The following GDA variants were observed in gnomAD, a reference collection of about 807,000 sequenced individuals.
GDA encodes the protein cytoplasmic PSD-95 interactor.
A neutral mutation model predicts 59.6 loss-of-function variants in GDA; 18 were observed. The observed-to-expected ratio is 0.30, with a 90% CI of 0.21 to 0.45. GDA has a LOEUF of 0.45. Ranked by LOEUF, GDA falls within the 20% of genes least tolerant of loss-of-function variation. The pLI is 1.00. For synonymous variants in GDA, 201 were observed against 201.1 expected, an observed-to-expected ratio of 1.00 and a Z score of 0.00; for missense variants, 427 against 552.3, an observed-to-expected ratio of 0.77 and a Z score of 2.27.
intron 2 of GDA, among the ~76,000 whole-genome samples, chr9:72,196,108 T>A (rs11143162): frequency 0.27 from 41,611 of 151,846 alleles, 6,057 homozygotes; most frequent in East Asian, 0.56. Context: ...TTATATTTCA[T>A]CTACTTTTAG....
At chr9:72,126,566 CTTTT>C (rs72370881) in intron 1 of GDA, among the ~76,000 whole-genome samples, 60 of 133,620 alleles carry the variant, frequency 4.5e-4, no homozygotes, top group Non-Finnish European at 5.4e-4. Flanking sequence ...CCTGGTTAGT[CTTTT>C]TTTTTTTTTT....
At chr9:72,135,782 C>T (rs1015012067) in intron 1 of GDA, among the ~76,000 whole-genome samples, 3 of 151,888 alleles carry the variant, frequency 2.0e-5, no homozygotes, top group African/African-American at 4.8e-5. Flanking sequence ...AGCTAATTTT[C>T]GTGTCTTCAG....
intron 7 of GDA, among the ~76,000 whole-genome samples, chr9:72,224,740 T>TATATA (rs1837335206): frequency 6.6e-6 from 1 of 152,084 alleles, no homozygotes; most frequent in African/African-American, 2.4e-5. Flanking sequence ...ATTGGGTTTC[T>TATATA]GTGAATTTTT....
At chr9:72,115,136 T>C (rs1587280456) in intron 1 of GDA, among the ~76,000 whole-genome samples, 1 of 152,076 alleles carries the variant, frequency 6.6e-6, no homozygotes, top group Non-Finnish European at 1.5e-5. Flanking sequence ...GGGCAGGCTG[T>C]GGAAAAAACA....
At chr9:72,259,672 T>C (rs1004743302), downstream of GDA, among the ~76,000 whole-genome samples, 1 of 152,044 alleles carries the variant, frequency 6.6e-6, no homozygotes, top group Non-Finnish European at 1.5e-5. Flanking sequence ...TTCTGATATA[T>C]GCTGCCCCAA....
rs755331133 is a variant in GDA at position 72,202,610 on chromosome 9, T to C, written c.252T>C (p.His84=). Residue 84 remains histidine, a synonymous_variant, in exon 3 of 14, where the codon CAT becomes CAC. Transcript: ENST00000358399. ...CTGGGCTGGTTGATACACACATCCA[T>C]GCCTCTCAGTATTCCTTTGCTGGAA... ...FMPGLVDTHI[H]ASQYSFAGSS... The C allele has an allele frequency of 1.9e-6, 3 of 1,612,336 alleles. No homozygotes were observed. The highest frequency in any genetic ancestry group is 2.5e-6 in the Non-Finnish European group (3 of 1,178,430).
At chr9:72,237,791 G>A (rs1445599694) in intron 10 of GDA, among the ~76,000 whole-genome samples, 1 of 151,922 alleles carries the variant, frequency 6.6e-6, no homozygotes, top group Admixed American at 6.6e-5. Context: ...CATTATCTTT[G>A]GGACCTTCTT....
At chr9:72,150,191 T>C (rs1827012994) in intron 1 of GDA, among the ~76,000 whole-genome samples, 1 of 152,188 alleles carries the variant, frequency 6.6e-6, no homozygotes, top group Admixed American at 6.5e-5. Flanking sequence ...ACATTCACCC[T>C]ATCATTCAAC....
intron 1 of GDA, among the ~76,000 whole-genome samples, chr9:72,181,031 A>G (rs902177342): frequency 6.6e-6 from 1 of 152,190 alleles, no homozygotes; most frequent in South Asian, 2.1e-4. Flanking sequence ...TGTGCATTTC[A>G]CATGAAATAG....
chr9:72,159,268 C>G (rs1473585867), intron 1 of GDA, among the ~76,000 whole-genome samples: 1 of 152,118 alleles, frequency 6.6e-6, no homozygotes, highest in Non-Finnish European at 1.5e-5. Context: ...ATGGCAGGTG[C>G]CTGTAATCCC....
chr9:72,213,839 T>G (rs1207277066), intron 4 of GDA, 47 bp from the exon 5 acceptor site: 23 of 1,108,024 alleles, frequency 2.1e-5, no homozygotes, highest in Non-Finnish European at 2.5e-5. Context: ...AAAGTACTGT[T>G]TCAGAAACAA....
upstream of GDA, among the ~76,000 whole-genome samples, chr9:72,146,002 G>A (rs1826615647): frequency 1.3e-5 from 2 of 152,064 alleles, no homozygotes; most frequent in Middle Eastern, 3.2e-3. Flanking sequence ...AAGAGGACAT[G>A]GTCCTTCAGA....
At chr9:72,252,814 C>A (rs927823323), downstream of GDA, among the ~76,000 whole-genome samples, 1 of 152,088 alleles carries the variant, frequency 6.6e-6, no homozygotes, top group Non-Finnish European at 1.5e-5. Flanking sequence ...CTTTAAGTGT[C>A]CATTTCTAAC....
Position 72,231,147 on chromosome 9 carries a change from C to T in GDA, c.954C>T (p.Val318=). Residue 318 remains valine, a synonymous_variant, in exon 10 of 14, where the codon GTC becomes GTT. Transcript: ENST00000358399. ...LSSGFLNVLE[V]LKHEVKIGLG... ...GTGGATTTCTAAATGTGCTAGAAGT[C>T]CTGAAACATGAAGTCAAGATAGGGC... The T allele has an allele frequency of 1.3e-6, 2 of 1,597,608 alleles. No individual in the cohort carries two copies. Among genetic ancestry groups the T allele is most frequent in the Non-Finnish European group, 8.6e-7 (1 of 1,165,134 alleles).
intron 1 of GDA, among the ~76,000 whole-genome samples, chr9:72,144,201 A>G (rs11143132): frequency 0.13 from 20,036 of 152,220 alleles, 2,829 homozygotes; most frequent in African/African-American, 0.36. Context: ...CAGCCTGGGC[A>G]ACAGAGTGAG....
intron 10 of GDA, among the ~76,000 whole-genome samples, chr9:72,231,611 T>C (rs1467935596): frequency 2.0e-5 from 3 of 152,054 alleles, no homozygotes; most frequent in Non-Finnish European, 2.9e-5. Flanking sequence ...GTTTTGATGA[T>C]ACTGACCTCC....
chr9:72,237,381 T>A (rs1420441203), intron 10 of GDA, among the ~76,000 whole-genome samples: 1 of 152,230 alleles, frequency 6.6e-6, no homozygotes, highest in Non-Finnish European at 1.5e-5. Flanking sequence ...TTCTCTCCAT[T>A]GTCCAAGTAA....
intron 9 of GDA, among the ~76,000 whole-genome samples, chr9:72,230,496 A>AG (rs1444025090): frequency 1.7e-5 from 2 of 118,658 alleles, no homozygotes; most frequent in African/African-American, 6.3e-5. Flanking sequence ...GTCTCAAAAA[A>AG]AAAAAATATA....
Position 72,149,662 on chromosome 9 carries a change from G to T in GDA, c.103G>T (p.Gly35Cys). ...GGAGGTGCTGCGGGATCACCTCCTC[G>T]GCGTGAGCGACAGCGGCAAAGTAAG... ...PMEVLRDHLL[G>C]VSDSGKIVFL... The change falls in exon 1 of 14, where the codon GGC (glycine) becomes TGC (cysteine). Residue 35 changes from glycine to cysteine, a missense_variant. Gly to Cys is a radical substitution (Grantham distance 159). Transcript: ENST00000358399. 1 of 1,602,266 alleles carries T rather than the reference G, an allele frequency of 6.2e-7. No individual in the cohort carries two copies. The highest frequency in any genetic ancestry group is 8.5e-7 in the Non-Finnish European group (1 of 1,175,340).
Sources: allele counts gnomAD v4.1 joint callset (sites outside exome capture counted in the v4.1 genomes callset), GRCh38; gene constraint gnomAD v4.1.1; transcripts MANE v1.5; gene names NCBI Gene and HGNC (gene_info 2026-07-23, HGNC 2026-07-21).